Variants in EYS observed in about 807,000 individuals in gnomAD.
The protein encoded by EYS is protein eyes shut homolog.
EYS carries 250 observed loss-of-function variants against 282.1 expected under a neutral mutation model. The ratio of observed to expected loss-of-function variants is 0.89; its 90% confidence interval spans 0.80 to 0.98. The LOEUF (loss-of-function observed/expected upper bound fraction) is 0.98. Among genes scored for constraint, EYS ranks in the 50% least tolerant of loss-of-function variants. The pLI, the probability that EYS is intolerant of heterozygous loss-of-function variation, is 0.00. For synonymous variants in EYS, 1,355 were observed against 1,282.9 expected (o/e 1.06, Z -1.20); for missense variants, 4,016 against 3,709.0 (o/e 1.08, Z -2.15).
rs140065411 is a variant in EYS at position 64,255,868 on chromosome 6, A to G, written c.6192-25044T>C. Among the ~76,000 whole-genome samples, 1,310 of 152,096 alleles carry G rather than the reference A, an allele frequency of 8.6e-3. 27 individuals are homozygous for G. Among genetic ancestry groups the G allele is most frequent in the African/African-American group, 0.029 (1,200 of 41,532 alleles). On this transcript the variant is annotated intron_variant, in intron 30 of 42. Transcript: ENST00000503581. Reference sequence around the variant, plus strand: ...CCATTATTCACATTTATTATGAAAAATTTTATGTTTCCTGACCTCATTTTC... The same window carrying G: ...CCATTATTCACATTTATTATGAAAAGTTTTATGTTTCCTGACCTCATTTTC...
chr6:64,515,870 T>C (rs558608945), intron 26 of EYS, among the ~76,000 whole-genome samples: 42 of 151,878 alleles, frequency 2.8e-4, no homozygotes, highest in Admixed American at 1.6e-3. Context: ...AACAGCAATA[T>C]TGAAAGTTTT....
chr6:64,319,736 T>G (rs374847109), intron 29 of EYS, among the ~76,000 whole-genome samples: 1 of 128,000 alleles, frequency 7.8e-6, no homozygotes, highest in Admixed American at 8.0e-5. Context: ...GATAGACAGA[T>G]AGATAGACAG....
intron 13 of EYS, among the ~76,000 whole-genome samples, chr6:65,044,774 A>T (rs1773049825): frequency 1.3e-5 from 2 of 151,856 alleles, no homozygotes; most frequent in African/African-American, 4.8e-5. Flanking sequence ...TCATTCAGGC[A>T]TTAACAAAGG....
At chr6:64,913,671 C>T (rs537578045) in intron 15 of EYS, among the ~76,000 whole-genome samples, 63 of 152,164 alleles carry the variant, frequency 4.1e-4, no homozygotes, top group Admixed American at 2.6e-3. Flanking sequence ...TAGACAGCTA[C>T]GTTGGTTCCA....
intron 29 of EYS, among the ~76,000 whole-genome samples, chr6:64,337,108 A>G (rs1342109020): frequency 6.6e-6 from 1 of 152,126 alleles, no homozygotes; most frequent in Non-Finnish European, 1.5e-5. Flanking sequence ...CCAGCAGAAG[A>G]AAGGATGTAA....
In EYS at chr6:63,788,147, C is replaced by T. The variant is rs1188766569; in HGVS notation, c.7681G>A (p.Asp2561Asn). 1 of 1,548,424 alleles carries T rather than the reference C, an allele frequency of 6.5e-7. No individual in the cohort carries two copies. The change falls in exon 39 of 43, where the codon GAT (aspartate) becomes AAT (asparagine). Residue 2561 changes from aspartate (D) to asparagine (N), a missense_variant. By Grantham distance (23) the Asp-to-Asn change is conservative. Coordinates refer to ENST00000503581, the MANE Select transcript of EYS (RefSeq NM_001142800.2). Reference protein sequence around the residue: ...YVGGYSEYTPDLLPNGADFKN... With the variant: ...YVGGYSEYTPNLLPNGADFKN... ...AAATCTGCTCCATTTGGTAAGAGAT[C>T]TGGAGTGTATTCACTGTAGCCACCT...
chr6:64,106,678 G>C (rs1773023897), intron 31 of EYS, among the ~76,000 whole-genome samples: 1 of 151,660 alleles, frequency 6.6e-6, no homozygotes, highest in Non-Finnish European at 1.5e-5. Context: ...TATCGTGCTT[G>C]GTGTTCTTTG....
intron 41 of EYS, among the ~76,000 whole-genome samples, chr6:63,758,297 C>T (rs1769542554): frequency 6.6e-6 from 1 of 152,060 alleles, no homozygotes; most frequent in Non-Finnish European, 1.5e-5. Context: ...ATCTTTACAT[C>T]TTTTATATAG....
At chr6:65,513,462 C>T (rs945655062) in intron 2 of EYS, among the ~76,000 whole-genome samples, 2 of 152,256 alleles carry the variant, frequency 1.3e-5, no homozygotes, top group African/African-American at 4.8e-5. Context: ...CATCCTGATA[C>T]CAAAGCTGGG....
At chr6:64,463,289 C>A (rs957783696) in intron 26 of EYS, among the ~76,000 whole-genome samples, 3 of 152,078 alleles carry the variant, frequency 2.0e-5, no homozygotes, top group Non-Finnish European at 4.4e-5. Context: ...TGTGTGGACT[C>A]TGCCTCCCAT....
At position 64,506,908 on chromosome 6, in the gene EYS, T is replaced by TAAAAAAAAAAAAAAA. The variant is rs530521158; in HGVS notation, c.5645-67571_5645-67557dup. Among the ~76,000 whole-genome samples, 45 of 97,756 alleles carry TAAAAAAAAAAAAAAA rather than the reference T, an allele frequency of 4.6e-4. 3 individuals are homozygous for TAAAAAAAAAAAAAAA. The highest frequency in any genetic ancestry group is 1.9e-3 in the African/African-American group (39 of 20,796). The allele number at this position is 97,756 out of a possible 152,430, so 64.1% of individuals were successfully genotyped here. The stretch of plus-strand genomic sequence containing the variant: ...TGGGCGATAAAGCGAGGCTGTGTCT[T>TAAAAAAAAAAAAAAA]AAAAAAAAAAAAAAAAACTGACTTA... On this transcript the variant is annotated intron_variant, in intron 26 of 42. Transcript: ENST00000503581.
Position 64,220,855 on chromosome 6 carries a change from T to G in EYS, c.6424+9737A>C, listed in dbSNP as rs896039207. 1.3e-4 allele frequency among the ~76,000 whole-genome samples: 20 copies of G among 152,282 alleles called. 1 individual carries two copies. The East Asian group carries it at 3.5e-3, about 26-fold the overall frequency. On this transcript the variant is annotated intron_variant, in intron 31 of 42. Transcript: ENST00000503581. ...GGATTCCAATCTCAATTCCAGAATT[T>G]ACTGGCTGAGTAACCATGGACAAAA... is the stretch of plus-strand genomic sequence containing the variant.
intron 28 of EYS, among the ~76,000 whole-genome samples, chr6:64,396,777 T>G (rs1043727092): frequency 1.3e-5 from 2 of 152,094 alleles, no homozygotes; most frequent in Admixed American, 1.3e-4. Flanking sequence ...TGGTCAATTT[T>G]TCTATCTTTG....
chr6:64,378,022 A>T (rs531411422), intron 29 of EYS: 3 of 152,166 alleles, frequency 2.0e-5, no homozygotes, highest in Non-Finnish European at 4.4e-5. Context: ...ACAAACAAAC[A>T]AACAAAAAAA....
chr6:65,336,253 T>G (rs2150314553), intron 10 of EYS, among the ~76,000 whole-genome samples: 1 of 151,892 alleles, frequency 6.6e-6, no homozygotes, highest in African/African-American at 2.4e-5. Flanking sequence ...TTTCTACTGT[T>G]TAGTCTTTTT....
chr6:65,013,153 A>G (rs1771933881), intron 13 of EYS, among the ~76,000 whole-genome samples: 1 of 152,170 alleles, frequency 6.6e-6, no homozygotes, highest in Admixed American at 6.5e-5. Flanking sequence ...TAAATATTTA[A>G]TTGTGACACT....
chr6:64,098,055 CTG>C (rs1042353070), intron 31 of EYS, among the ~76,000 whole-genome samples: 24 of 152,286 alleles, frequency 1.6e-4, no homozygotes, highest in African/African-American at 5.5e-4. Context: ...TTAGATGAAA[CTG>C]TTACATCTTA....
intron 36 of EYS, among the ~76,000 whole-genome samples, chr6:63,850,587 C>T (rs559259675): frequency 3.3e-5 from 5 of 152,122 alleles, no homozygotes; most frequent in Admixed American, 6.5e-5. Flanking sequence ...GCTTCATAAG[C>T]GAAGGAGAAA....
intron 41 of EYS, among the ~76,000 whole-genome samples, chr6:63,727,706 CAAAAAAAA>C (rs1169878020): frequency 5.2e-4 from 5 of 9,526 alleles, no homozygotes; most frequent in East Asian, 3.7e-3. Context: ...CACCATCTCT[CAAAAAAAA>C]AAAAAAAAAA....
Sources: gnomAD v4.1 joint callset for allele counts (sites outside exome capture counted in the v4.1 genomes callset) on GRCh38, gnomAD v4.1.1 for gene constraint, MANE v1.5 for transcripts, NCBI Gene and HGNC (gene_info 2026-07-23, HGNC 2026-07-21) for gene names.